The following FBXL7 variants were observed in gnomAD, a reference collection of about 807,000 sequenced individuals.
FBXL7 encodes F-box and leucine rich repeat protein 7, also known as F-box/LRR-repeat protein 7.
In FBXL7, 12 loss-of-function variants were observed where a neutral mutation model predicts 38.3. The ratio of observed to expected loss-of-function variants is 0.31; its 90% CI spans 0.20 to 0.51. The LOEUF (loss-of-function observed/expected upper bound fraction) is 0.51. FBXL7 is among the 20% of genes least tolerant of loss of function. The pLI, the probability that FBXL7 is intolerant of heterozygous loss-of-function variation, is 0.98. For synonymous variants in FBXL7, 297 were observed against 300.9 expected (o/e 0.99, Z 0.13); for missense variants, 567 against 676.4 (o/e 0.84, Z 1.79).
chr5:15,897,834 G>A (rs886395962), intron 2 of FBXL7, among the ~76,000 whole-genome samples: 7 of 152,250 alleles, frequency 4.6e-5, no homozygotes, highest in South Asian at 2.1e-4. Context: ...TCAGTGGATG[G>A]ATAGCAGCTG....
At chr5:15,518,760 C>A (rs1036353965) in intron 1 of FBXL7, among the ~76,000 whole-genome samples, 2 of 152,234 alleles carry the variant, frequency 1.3e-5, no homozygotes, top group East Asian at 3.9e-4. Context: ...TCAGGCCCTT[C>A]GTCTCTCCTT....
chr5:15,797,256 C>T lies in FBXL7; in HGVS notation c.128-130634C>T, dbSNP rs1056431147. ...AAATAGGTCATCAAGTCCCAACATG[C>T]TTAACTATGAAAGTACCACTAGAAC... On this transcript the variant is annotated intron_variant, in intron 2 of 3. Transcript: ENST00000504595. Among the ~76,000 whole-genome samples the T allele has an allele frequency of 8.5e-5, 13 of 152,256 alleles. No homozygotes were observed. In the East Asian group the frequency reaches 2.5e-3, roughly 29 times the overall value.
At chr5:15,842,590 G>T (rs1418636726) in intron 2 of FBXL7, among the ~76,000 whole-genome samples, 1 of 152,108 alleles carries the variant, frequency 6.6e-6, no homozygotes, top group African/African-American at 2.4e-5. Flanking sequence ...GTTTGGATGT[G>T]TCCCCACCCA....
At chr5:15,887,787 G>A (rs1290603967) in intron 2 of FBXL7, among the ~76,000 whole-genome samples, 4 of 152,148 alleles carry the variant, frequency 2.6e-5, no homozygotes, top group Non-Finnish European at 4.4e-5. Flanking sequence ...AAGAAGCTTG[G>A]CTGTGCATTA....
At chr5:15,713,154 G>A (rs533720778) in intron 2 of FBXL7, among the ~76,000 whole-genome samples, 2 of 152,312 alleles carry the variant, frequency 1.3e-5, no homozygotes, top group East Asian at 1.9e-4. Context: ...AGTTCCACGT[G>A]GCTGGGGAGG....
chr5:15,559,358 T>C (rs1420246059), intron 1 of FBXL7, among the ~76,000 whole-genome samples: 2 of 152,184 alleles, frequency 1.3e-5, no homozygotes, highest in African/African-American at 4.8e-5. Flanking sequence ...AATAATGTGA[T>C]AGAATCTCAC....
At chr5:15,503,422 AAAAAC>A (rs1561007683) in intron 1 of FBXL7, among the ~76,000 whole-genome samples, 2 of 152,244 alleles carry the variant, frequency 1.3e-5, no homozygotes, top group African/African-American at 4.8e-5. Flanking sequence ...CTCCGTGTCA[AAAAAC>A]AAAACAAAAG....
At chr5:15,620,411 TTG>T (rs370933898) in intron 2 of FBXL7, among the ~76,000 whole-genome samples, 2,582 of 109,392 alleles carry the variant, frequency 0.024, 61 homozygotes, top group African/African-American at 0.051. Flanking sequence ...TTTTTGTTTT[TTG>T]TTTTTTTTTT....
At chr5:15,665,360 A>G (rs1378837628) in intron 2 of FBXL7, among the ~76,000 whole-genome samples, 3 of 152,086 alleles carry the variant, frequency 2.0e-5, no homozygotes, top group Non-Finnish European at 4.4e-5. Flanking sequence ...AAACCATGAC[A>G]TTTTACGTGA....
chr5:15,691,092 T>A (rs868163382), intron 2 of FBXL7, among the ~76,000 whole-genome samples: 1 of 152,190 alleles, frequency 6.6e-6, no homozygotes, highest in Non-Finnish European at 1.5e-5. Context: ...TTCCTATCTG[T>A]TGGTGTCACC....
At chr5:15,598,668 T>A (rs1291624368) in intron 1 of FBXL7, among the ~76,000 whole-genome samples, 2 of 152,158 alleles carry the variant, frequency 1.3e-5, no homozygotes, top group Non-Finnish European at 2.9e-5. Context: ...TAATACAGTA[T>A]GGCGTCCAAC....
chr5:15,647,200 A>G (rs1741558854), intron 2 of FBXL7, among the ~76,000 whole-genome samples: 1 of 152,260 alleles, frequency 6.6e-6, no homozygotes, highest in Admixed American at 6.5e-5. Context: ...GTAAAGAAAT[A>G]TCATTAATAA....
chr5:15,532,279 A>G (rs1737453530), intron 1 of FBXL7, among the ~76,000 whole-genome samples: 1 of 152,212 alleles, frequency 6.6e-6, no homozygotes, highest in South Asian at 2.1e-4. Flanking sequence ...CCATTTTAAT[A>G]ATATTGCCCT....
chr5:15,750,522 C>G (rs570945622), intron 2 of FBXL7, among the ~76,000 whole-genome samples: 13 of 152,328 alleles, frequency 8.5e-5, no homozygotes, highest in Admixed American at 4.6e-4. Context: ...GCAGCCCCAC[C>G]TGCAGTTTCT....
At chr5:15,621,435 G>T (rs1019792319) in intron 2 of FBXL7, among the ~76,000 whole-genome samples, 1 of 152,030 alleles carries the variant, frequency 6.6e-6, no homozygotes, top group Non-Finnish European at 1.5e-5. Context: ...CTCATTCATG[G>T]GGTATTCTCT....
chr5:15,937,281 A>G lies in FBXL7; in HGVS notation c.*95A>G. ...ATGTAAGCACCGACACCCACTCAAAACAGCTCTTTCTTCCGGGAAGGTTAT... is the reference window on the plus strand; with the variant it reads ...ATGTAAGCACCGACACCCACTCAAAGCAGCTCTTTCTTCCGGGAAGGTTAT... On this transcript the variant is annotated 3_prime_UTR_variant, in exon 4 of 4. Coordinates refer to ENST00000504595, the MANE Select transcript of FBXL7 (RefSeq NM_012304.5). 7.3e-7 allele frequency: 1 copy of G among 1,361,856 alleles called. No homozygotes were observed. Among genetic ancestry groups the G allele is most frequent in the Non-Finnish European group, 9.7e-7 (1 of 1,033,446 alleles). The allele number at this position is 1,361,856 out of a possible 1,614,324, so 84.4% of individuals were successfully genotyped here.
intron 2 of FBXL7, 76 bp downstream of exon 2, chr5:15,616,148 G>T (rs1288073900): frequency 9.8e-7 from 1 of 1,024,244 alleles, no homozygotes; most frequent in East Asian, 2.5e-5. Flanking sequence ...TAAAGTGTGG[G>T]AGTGTTAGTT....
At chr5:15,579,082 C>T (rs969274484) in intron 1 of FBXL7, among the ~76,000 whole-genome samples, 4 of 152,168 alleles carry the variant, frequency 2.6e-5, no homozygotes, top group African/African-American at 9.7e-5. Flanking sequence ...TAACTTTCAT[C>T]TTTCCAGATC....
At chr5:15,641,607 T>G (rs1365498710) in intron 2 of FBXL7, among the ~76,000 whole-genome samples, 1 of 151,710 alleles carries the variant, frequency 6.6e-6, no homozygotes, top group Non-Finnish European at 1.5e-5. Flanking sequence ...TGTGTCTGAG[T>G]GTATTTCTGG....
Sources: allele counts gnomAD v4.1 joint callset (sites outside exome capture counted in the v4.1 genomes callset), GRCh38; gene constraint gnomAD v4.1.1; transcripts MANE v1.5; gene names NCBI Gene and HGNC (gene_info 2026-07-23, HGNC 2026-07-21).